MSRB2: variants seen among roughly 807,000 people sequenced by gnomAD.
MSRB2 encodes methionine-R-sulfoxide reductase B2, mitochondrial.
Under a neutral mutation model 19.0 loss-of-function variants are expected in MSRB2, and 17 were observed. The ratio of observed to expected loss-of-function variants is 0.89; its 90% confidence interval spans 0.61 to 1.34. MSRB2 has a LOEUF of 1.34. MSRB2 is among the 40% of genes most tolerant of loss of function. The pLI, the probability that MSRB2 is intolerant of heterozygous loss-of-function variation, is 0.00. For missense variants in MSRB2, 208 were observed against 237.6 expected, an observed-to-expected ratio of 0.88 and a Z score of 0.82; for synonymous variants, 107 against 99.7, an observed-to-expected ratio of 1.07 and a Z score of -0.44.
intron 3 of MSRB2, among the ~76,000 whole-genome samples, chr10:23,111,332 C>T (rs1416403239): frequency 6.6e-6 from 1 of 152,132 alleles, no homozygotes; most frequent in Non-Finnish European, 1.5e-5. Context: ...ATTTCTTGAC[C>T]TTTGGTTGTG....
At chr10:23,114,903 G>A (rs546121987) in intron 3 of MSRB2, among the ~76,000 whole-genome samples, 1 of 152,256 alleles carries the variant, frequency 6.6e-6, no homozygotes, top group South Asian at 2.1e-4. Flanking sequence ...GTTGACATAG[G>A]TGCCATCGCC....
chr10:23,115,792 A>G (rs1223532449), intron 3 of MSRB2, among the ~76,000 whole-genome samples: 4 of 152,218 alleles, frequency 2.6e-5, no homozygotes, highest in South Asian at 4.1e-4. Flanking sequence ...AATTGCATCA[A>G]TAAAGGTTTA....
At chr10:23,104,094 C>T (rs762005524) in intron 1 of MSRB2, 50 bp from the exon 2 acceptor site, 2 of 1,479,756 alleles carry the variant, frequency 1.4e-6, no homozygotes, top group Non-Finnish European at 1.9e-6. Flanking sequence ...GAAGAAAAGT[C>T]CATCAGGCAT....
At chr10:23,109,871 A>G (rs1047551047) in intron 2 of MSRB2, among the ~76,000 whole-genome samples, 1 of 152,250 alleles carries the variant, frequency 6.6e-6, no homozygotes, top group African/African-American at 2.4e-5. Context: ...TATGTTAGAC[A>G]GTGGACTAGA....
At position 23,114,813 on chromosome 10, in the gene MSRB2, A is replaced by G. The variant is rs1407647767; in HGVS notation, c.297-4491A>G. ...TCTGCAGCTTACAGGTAGCCAGCCA[A>G]AATATGAACCCACAGTTTTGGACTC... On this transcript the variant is annotated intron_variant, in intron 3 of 4. Coordinates refer to ENST00000376510, the MANE Select transcript of MSRB2 (RefSeq NM_012228.4). Among the ~76,000 whole-genome samples, 5 of 152,174 alleles carry G rather than the reference A, an allele frequency of 3.3e-5. No individual in the cohort carries two copies. The South Asian group carries it at 1.0e-3, about 32-fold the overall frequency.
intron 1 of MSRB2, among the ~76,000 whole-genome samples, chr10:23,099,463 G>C (rs190305450): frequency 3.1e-3 from 478 of 152,314 alleles, no homozygotes; most frequent in Non-Finnish European, 5.4e-3. Flanking sequence ...AGGATTAAAA[G>C]AACCATTAAA....
intron 3 of MSRB2, among the ~76,000 whole-genome samples, chr10:23,115,725 T>C (rs1840103488): frequency 6.6e-6 from 1 of 152,256 alleles, no homozygotes. Context: ...GTTCCCAGTC[T>C]TAACTTATAT....
intron 3 of MSRB2, chr10:23,118,975 T>C (rs1160716301): frequency 2.1e-6 from 1 of 471,948 alleles, no homozygotes; most frequent in Non-Finnish European, 4.2e-6. Flanking sequence ...CCTTTTGACA[T>C]TTTCAACACA....
chr10:23,106,385 A>G (rs1839986691), intron 2 of MSRB2, among the ~76,000 whole-genome samples: 1 of 152,230 alleles, frequency 6.6e-6, no homozygotes, highest in Admixed American at 6.5e-5. Context: ...TGCTAGACCA[A>G]CGAATAAATT....
chr10:23,113,201 T>G (rs1359036405), intron 3 of MSRB2, among the ~76,000 whole-genome samples: 1 of 152,192 alleles, frequency 6.6e-6, no homozygotes, highest in Non-Finnish European at 1.5e-5. Context: ...GTAGTTCTTT[T>G]AACAAGTAAA....
chr10:23,117,403 T>A (rs1476667144), intron 3 of MSRB2, among the ~76,000 whole-genome samples: 3 of 152,180 alleles, frequency 2.0e-5, no homozygotes, highest in Non-Finnish European at 4.4e-5. Context: ...GAGGCACATA[T>A]GAAGATTCAG....
chr10:23,098,439 C>T (rs1405429254), intron 1 of MSRB2, among the ~76,000 whole-genome samples: 2 of 152,098 alleles, frequency 1.3e-5, no homozygotes, highest in Non-Finnish European at 2.9e-5. Context: ...GAAGGGAACT[C>T]CAAGGAATTT....
In MSRB2 at chr10:23,120,745, C is replaced by A; in HGVS notation, c.445-13C>A. 6.2e-7 allele frequency: 1 copy of A among 1,605,756 alleles called. No homozygotes were observed. Among genetic ancestry groups the A allele is most frequent in the Non-Finnish European group, 8.5e-7 (1 of 1,174,406 alleles). On this transcript the variant is annotated splice_polypyrimidine_tract_variant and intron_variant, in intron 4 of 4. Coordinates refer to ENST00000376510, the MANE Select transcript of MSRB2 (RefSeq NM_012228.4). ...TTGCATTTGGAGATGACAGAGGCTT[C>A]TGTCCTTTGCAGTGTGAAGCTCATC... is the stretch of plus-strand genomic sequence containing the variant.
intron 1 of MSRB2, among the ~76,000 whole-genome samples, chr10:23,096,373 T>TGTGTGTGTGTGTGTGTGTGTGTGTGTG (rs3838757): frequency 3.4e-4 from 52 of 151,556 alleles, no homozygotes; most frequent in Non-Finnish European, 4.0e-4. Flanking sequence ...TGTGTGTGTG[T>TGTGTGTGTGTGTGTGTGTGTGTGTGTG]TTCTGCTAAA....
At chr10:23,105,212 C>CTGTGTGTGTGTG (rs36039793) in intron 2 of MSRB2, among the ~76,000 whole-genome samples, 50 of 147,168 alleles carry the variant, frequency 3.4e-4, no homozygotes, top group African/African-American at 1.2e-3. Flanking sequence ...CTCTGTGTGT[C>CTGTGTGTGTGTG]TGTGTGTGTG....
rs112148043 is a variant in MSRB2 at position 23,110,668 on chromosome 10, G to A, written c.296+350G>A. 2.0e-3 allele frequency among the ~76,000 whole-genome samples: 299 copies of A among 151,494 alleles called. 4 individuals carry two copies. Among genetic ancestry groups the A allele is most frequent in the African/African-American group, 6.8e-3 (282 of 41,240 alleles). ...GAAAGTATTTAAAGAAATCTAAACC[G>A]TGATTATATTTGCTGGGCCATGTGA... On this transcript the variant is annotated intron_variant, in intron 3 of 4. Coordinates refer to ENST00000376510, the MANE Select transcript of MSRB2 (RefSeq NM_012228.4).
chr10:23,119,228 C>A, intron 3 of MSRB2, 76 bp from the exon 4 acceptor site: 2 of 1,558,112 alleles, frequency 1.3e-6, no homozygotes, highest in Non-Finnish European at 8.8e-7. Flanking sequence ...CTGCCTGGAA[C>A]AACACATCGG....
At chr10:23,110,959 T>C (rs1840044719) in intron 3 of MSRB2, among the ~76,000 whole-genome samples, 1 of 152,152 alleles carries the variant, frequency 6.6e-6, no homozygotes, top group Admixed American at 6.5e-5. Context: ...AAGGAAAACA[T>C]CTTTGAAGTC....
chr10:23,116,245 A>G (rs1386279143), intron 3 of MSRB2, among the ~76,000 whole-genome samples: 1 of 152,178 alleles, frequency 6.6e-6, no homozygotes, highest in Non-Finnish European at 1.5e-5. Context: ...TTAGAAAAGG[A>G]GACTTTATTT....
Sources: gnomAD v4.1 joint callset for allele counts (sites outside exome capture counted in the v4.1 genomes callset) on GRCh38, gnomAD v4.1.1 for gene constraint, MANE v1.5 for transcripts, NCBI Gene and HGNC (gene_info 2026-07-23, HGNC 2026-07-21) for gene names.